SLC4A4: variants seen among roughly 807,000 people sequenced by gnomAD.
The protein encoded by SLC4A4 is electrogenic sodium bicarbonate cotransporter 1.
A neutral mutation model predicts 111.5 loss-of-function variants in SLC4A4; 27 were observed. The observed-to-expected ratio is 0.24, with a 90% CI of 0.18 to 0.33. The LOEUF (loss-of-function observed/expected upper bound fraction) is 0.33, where lower values mean the gene tolerates loss of function less well. Among genes scored for constraint, SLC4A4 ranks in the 10% least tolerant of loss-of-function variants. The probability of loss-of-function intolerance (pLI) is 1.00; values close to 1 mark genes in which losing one functional copy is unlikely to be tolerated. For synonymous variants in SLC4A4, 443 were observed against 463.4 expected, an observed-to-expected ratio of 0.96 and a Z score of 0.57; for missense variants, 909 against 1,315.5, an observed-to-expected ratio of 0.69 and a Z score of 4.78.
At chr4:71,366,045 A>G (rs1453305693) in intron 6 of SLC4A4, among the ~76,000 whole-genome samples, 1 of 152,186 alleles carries the variant, frequency 6.6e-6, no homozygotes, top group Admixed American at 6.5e-5. Context: ...GCAGGAAAAC[A>G]CACCAAACAT....
At chr4:71,164,721 A>G (rs1245633007) in intron 2 of SLC4A4, among the ~76,000 whole-genome samples, 1 of 152,180 alleles carries the variant, frequency 6.6e-6, no homozygotes, top group Non-Finnish European at 1.5e-5. Flanking sequence ...ATTAAACTAA[A>G]GAGCTTCTGC....
intron 13 of SLC4A4, 66 bp downstream of exon 13, chr4:71,466,643 A>G: frequency 4.0e-6 from 6 of 1,486,378 alleles, no homozygotes; most frequent in Non-Finnish European, 4.7e-6. Flanking sequence ...TAGGCTAGAT[A>G]GAGCATAGAA....
chr4:71,205,182 G>A (rs182402727), intron 1 of SLC4A4, among the ~76,000 whole-genome samples: 1 of 152,280 alleles, frequency 6.6e-6, no homozygotes, highest in Admixed American at 6.5e-5. Flanking sequence ...AGTCACTGTG[G>A]CAGATGCAGA....
intron 2 of SLC4A4, among the ~76,000 whole-genome samples, chr4:71,131,002 C>T (rs755565050): frequency 6.6e-6 from 1 of 152,150 alleles, no homozygotes; most frequent in Non-Finnish European, 1.5e-5. Context: ...ATGTAATCCC[C>T]ATGATGAATA....
Position 71,440,839 on chromosome 4 carries a change from G to A in SLC4A4, c.965+66G>A. 1.9e-6 allele frequency: 3 copies of A among 1,544,958 alleles called. No individual in the cohort carries two copies. The South Asian group carries it at 3.3e-5, about 17-fold the overall frequency. On this transcript the variant is annotated intron_variant, in intron 8 of 25. Transcript: ENST00000264485. ...GGGTTATCTCCTCCCATTCAGGCTG[G>A]AGAATCAATAGAATGAGGAAATATT...
chr4:71,442,624 T>C (rs1047560466), intron 8 of SLC4A4, among the ~76,000 whole-genome samples: 4 of 152,164 alleles, frequency 2.6e-5, no homozygotes, highest in African/African-American at 9.7e-5. Context: ...GCATGTACAT[T>C]TCATGATATG....
rs1457604933 is a variant in SLC4A4 at position 71,088,524 on chromosome 4, T to A, written c.-64-4206T>A. 2.0e-5 allele frequency among the ~76,000 whole-genome samples: 3 copies of A among 152,192 alleles called. No individual in the cohort carries two copies. In the East Asian group the frequency reaches 5.8e-4, roughly 29 times the overall value. ...TTAATGGTCTTTACAATTTGGCATGTTTTTGCAGTGGCTGGTACCAGTTGT... is the reference window on the plus strand; with the variant it reads ...TTAATGGTCTTTACAATTTGGCATGATTTTGCAGTGGCTGGTACCAGTTGT... On this transcript the variant is annotated intron_variant, in intron 1 of 26. Coordinates refer to the SLC4A4 transcript ENST00000649996.
At chr4:71,079,098 C>T (rs2363441) in intron 1 of SLC4A4, among the ~76,000 whole-genome samples, 88,188 of 152,010 alleles carry the variant, frequency 0.58, 27,437 homozygotes, top group East Asian at 0.76. Flanking sequence ...GGATTACAGG[C>T]GTGAACCACC....
At chr4:71,099,031 A>AG (rs1377840802) in intron 2 of SLC4A4, among the ~76,000 whole-genome samples, 2 of 152,134 alleles carry the variant, frequency 1.3e-5, no homozygotes, top group African/African-American at 4.8e-5. Context: ...TACTCTACTG[A>AG]CAGTATTAGA....
intron 18 of SLC4A4, among the ~76,000 whole-genome samples, chr4:71,536,477 T>C (rs1180319817): frequency 6.3e-5 from 6 of 95,470 alleles, no homozygotes; most frequent in South Asian, 4.4e-4. Context: ...TATATATATA[T>C]ATATATATAT....
chr4:71,208,443 A>T (rs2045007), intron 1 of SLC4A4, among the ~76,000 whole-genome samples: 113,276 of 144,878 alleles, frequency 0.78, 45,330 homozygotes, highest in East Asian at 0.87. Flanking sequence ...AAAAAAAAAA[A>T]ATATATATAT....
Position 71,508,586 on chromosome 4 carries a change from A to G in SLC4A4, c.2166+10894A>G, listed in dbSNP as rs77435945. On this transcript the variant is annotated intron_variant, in intron 16 of 25. Coordinates refer to ENST00000264485, the MANE Select transcript of SLC4A4 (RefSeq NM_001098484.3). ...GAAAGTTGAATCCCTGAATAGACCA[A>G]TAATGAGTTCTGAAATTGAGGCAGT... Among the ~76,000 whole-genome samples the G allele has an allele frequency of 9.1e-3, 1,379 of 152,310 alleles. 21 individuals are homozygous for G. Among genetic ancestry groups the G allele is most frequent in the African/African-American group, 0.03 (1,262 of 41,562 alleles).
chr4:71,536,480 A>ATATATATATATG (rs1488334818), intron 18 of SLC4A4, among the ~76,000 whole-genome samples: 24 of 99,118 alleles, frequency 2.4e-4, no homozygotes, highest in African/African-American at 8.4e-4. Flanking sequence ...ATATATATAT[A>ATATATATATATG]TATATATGTA....
At chr4:71,261,033 T>C (rs1476873461) in intron 3 of SLC4A4, among the ~76,000 whole-genome samples, 1 of 152,218 alleles carries the variant, frequency 6.6e-6, no homozygotes, top group East Asian at 1.9e-4. Flanking sequence ...CTTTAAGCTC[T>C]TCTGGTCTTT....
intron 3 of SLC4A4, among the ~76,000 whole-genome samples, chr4:71,320,872 C>G (rs1727064698): frequency 6.6e-6 from 1 of 152,024 alleles, no homozygotes; most frequent in Non-Finnish European, 1.5e-5. Context: ...TCTAACAGTT[C>G]TTTCTGAACA....
At chr4:71,435,799 G>A (rs965379711) in intron 7 of SLC4A4, among the ~76,000 whole-genome samples, 14 of 151,684 alleles carry the variant, frequency 9.2e-5, no homozygotes, top group East Asian at 1.9e-4. Context: ...GCCAACAAAC[G>A]TGAAAAAAAG....
At chr4:71,497,047 A>G (rs1393339107) in intron 15 of SLC4A4, among the ~76,000 whole-genome samples, 1 of 152,142 alleles carries the variant, frequency 6.6e-6, no homozygotes, top group Non-Finnish European at 1.5e-5. Context: ...TAGTTAACCT[A>G]TTACAACTTT....
At chr4:71,488,888 ATGTGTGTGTGTGTGTGT>A (rs1729648383) in intron 15 of SLC4A4, among the ~76,000 whole-genome samples, 1 of 140,588 alleles carries the variant, frequency 7.1e-6, no homozygotes, top group Non-Finnish European at 1.5e-5. Flanking sequence ...AGAAGAAAAA[ATGTGTGTGTGTGTGTGT>A]GTGTGTGTGT....
chr4:71,358,224 A>C (rs1418567627), intron 6 of SLC4A4, among the ~76,000 whole-genome samples: 1 of 151,864 alleles, frequency 6.6e-6, no homozygotes, highest in Non-Finnish European at 1.5e-5. Flanking sequence ...GTGAGGCCAG[A>C]GAAAAGCTTA....
Sources: allele counts gnomAD v4.1 joint callset (sites outside exome capture counted in the v4.1 genomes callset), GRCh38; gene constraint gnomAD v4.1.1; transcripts MANE v1.5; gene names NCBI Gene and HGNC (gene_info 2026-07-23, HGNC 2026-07-21).